The following LACC1 variants were observed in gnomAD, a reference collection of about 807,000 sequenced individuals.
LACC1 encodes purine nucleoside phosphorylase LACC1.
A neutral mutation model predicts 34.8 loss-of-function variants in LACC1; 25 were observed. The ratio of observed to expected loss-of-function variants is 0.72; its 90% CI spans 0.52 to 1.00. The LOEUF is 1.00. Among genes scored for constraint, LACC1 ranks in the 50% least tolerant of loss-of-function variants. The pLI, the probability that LACC1 is intolerant of heterozygous loss-of-function variation, is 0.00. For missense variants in LACC1, 426 were observed against 511.2 expected, an observed-to-expected ratio of 0.83 and a Z score of 1.61; for synonymous variants, 162 against 168.0, an observed-to-expected ratio of 0.96 and a Z score of 0.28.
chr13:43,879,825 G>A (rs1490977023), upstream of LACC1: 1 of 63,812 alleles, frequency 1.6e-5, no homozygotes, highest in East Asian at 2.4e-4. Context: ...AGGTGGGCGA[G>A]GTGGGCGAGG....
intron 4 of LACC1, 85 bp from the exon 5 acceptor site, chr13:43,888,672 C>T: frequency 9.9e-7 from 1 of 1,009,392 alleles, no homozygotes; most frequent in Non-Finnish European, 1.5e-6. Flanking sequence ...CAAACTAAAT[C>T]TGCTCACTTT....
At chr13:43,885,659 A>G (rs974070680) in intron 4 of LACC1, among the ~76,000 whole-genome samples, 2 of 152,218 alleles carry the variant, frequency 1.3e-5, no homozygotes, top group Non-Finnish European at 2.9e-5. Context: ...AAACCCTAGG[A>G]GGAAACCTAG....
At chr13:43,879,597 T>G (rs930573920), upstream of LACC1, 4 of 151,950 alleles carry the variant, frequency 2.6e-5, no homozygotes, top group African/African-American at 9.7e-5. Flanking sequence ...GCCCGCCGCG[T>G]TCGCACCAAG....
Position 43,880,034 on chromosome 13 carries a change from AG to A in LACC1, c.-118del, listed in dbSNP as rs1954912100. ...TCGCCTCTGGTGTGCGTTGTCCGAC[AG>A]GAAGTCCCGAATGGGCTGTGAGCCG... On this transcript the variant is annotated 5_prime_UTR_variant, in exon 1 of 7. Coordinates refer to ENST00000325686, the MANE Select transcript of LACC1 (RefSeq NM_153218.4). 2 of 152,406 alleles carry A rather than the reference AG, an allele frequency of 1.3e-5. No homozygotes were observed. The highest frequency in any genetic ancestry group is 6.5e-5 in the Admixed American group (1 of 15,280). 9.4% of individuals were successfully genotyped at this position (152,406 alleles called of 1,614,324 possible).
rs775887033 is a variant in LACC1 at position 43,890,115 on chromosome 13, A to T, written c.1135A>T (p.Ile379Phe). 2 of 1,602,568 alleles carry T rather than the reference A, an allele frequency of 1.2e-6. No individual in the cohort carries two copies. Among genetic ancestry groups the T allele is most frequent in the Non-Finnish European group, 1.7e-6 (2 of 1,175,548 alleles). Residue 379 changes from isoleucine (I) to phenylalanine (F), a missense_variant and splice_region_variant, in exon 6 of 7, where the codon ATT becomes TTT. This residue lies in a region of LACC1 where 209 missense variants were observed against 300.3 expected (regional missense o/e 0.70). Transcript: ENST00000325686. Reference sequence around the variant, plus strand: ...CTTTTGAAAAATATTTTTCCTAAGGATTCTTCTAGAACAGGGAGGAATTCT... The same window carrying T: ...CTTTTGAAAAATATTTTTCCTAAGGTTTCTTCTAGAACAGGGAGGAATTCT... ...PCIDIRKATR[I>F]LLEQGGILPQ...
intron 3 of LACC1, 142 bp from the exon 4 acceptor site, chr13:43,883,629 A>G (rs567991045): frequency 1.4e-5 from 7 of 494,886 alleles, no homozygotes; most frequent in South Asian, 1.4e-4. Flanking sequence ...GTTTTCCCAT[A>G]TATAAAAGTG....
intron 5 of LACC1, among the ~76,000 whole-genome samples, chr13:43,889,672 C>T (rs1241009707): frequency 1.3e-5 from 2 of 152,134 alleles, no homozygotes; most frequent in East Asian, 3.9e-4. Flanking sequence ...AGTCATATTT[C>T]ATATCATAAA....
rs1955188355 is a variant in LACC1, at chr13:43,883,826, A to C, written c.797A>C (p.Asp266Ala). The C allele has an allele frequency of 6.2e-7, 1 of 1,613,614 alleles. No individual in the cohort carries two copies. Among genetic ancestry groups the C allele is most frequent in the Non-Finnish European group, 8.5e-7 (1 of 1,179,700 alleles). Reference sequence around the variant, plus strand: ...GGAAGAAAGGAGCCTGACTCTTATGATGGAATAACCACAAATCAGAGAGGA... The same window carrying C: ...GGAAGAAAGGAGCCTGACTCTTATGCTGGAATAACCACAAATCAGAGAGGA... ...IMGRKEPDSY[D>A]GITTNQRGVT... The change falls in exon 4 of 7, where the codon GAT becomes GCT. Residue 266 changes from aspartate (D) to alanine (A), a missense_variant. Asp to Ala is a moderately radical substitution (Grantham distance 126, BLOSUM62 -2). This residue lies in a region of LACC1 where 209 missense variants were observed against 300.3 expected (regional missense o/e 0.70). Transcript: ENST00000325686.
chr13:43,887,595 T>C (rs1955387672), intron 4 of LACC1, among the ~76,000 whole-genome samples: 1 of 152,114 alleles, frequency 6.6e-6, no homozygotes. Context: ...AAGAGGCTGT[T>C]AATTGAAATA....
rs970578879 is a variant in LACC1 at position 43,893,133 on chromosome 13, A to G, written c.*1686A>G. Reference sequence around the variant, plus strand: ...ATGTAAGTTATCACATTGCATCTTAAAAATATTCTTATTTAATACATATAT... The same window carrying G: ...ATGTAAGTTATCACATTGCATCTTAGAAATATTCTTATTTAATACATATAT... On this transcript the variant is annotated 3_prime_UTR_variant, in exon 7 of 7. Transcript: ENST00000325686. 2.0e-5 allele frequency: 3 copies of G among 152,134 alleles called. No homozygotes were observed. Among genetic ancestry groups the G allele is most frequent in the African/African-American group, 7.2e-5 (3 of 41,456 alleles). 9.4% of individuals were successfully genotyped at this position (152,134 alleles called of 1,614,324 possible). A position where few individuals can be genotyped will look rare whatever the true frequency, so the allele number is the denominator to read the frequency against.
chr13:43,883,719 G>A, intron 3 of LACC1, 52 bp from the exon 4 acceptor site: 4 of 1,417,524 alleles, frequency 2.8e-6, no homozygotes, highest in Non-Finnish European at 2.9e-6. Context: ...AAAGCTTATG[G>A]TATAAGAAAT....
At chr13:43,891,247 G>A (rs1955558704) in intron 6 of LACC1, among the ~76,000 whole-genome samples, 1 of 152,130 alleles carries the variant, frequency 6.6e-6, no homozygotes. Context: ...ATATTTCATG[G>A]CACTGATTTA....
upstream of LACC1, chr13:43,879,586 G>T (rs1954821989): frequency 6.6e-6 from 1 of 152,162 alleles, no homozygotes; most frequent in Non-Finnish European, 1.5e-5. Flanking sequence ...TCTCGCGCTG[G>T]GCCCGCCGCG....
chr13:43,879,560 C>G (rs1173258540), upstream of LACC1: 1 of 152,248 alleles, frequency 6.6e-6, no homozygotes, highest in Non-Finnish European at 1.5e-5. Flanking sequence ...CTTGGCTCAT[C>G]CCGGGATTCC....
chr13:43,890,383 T>TA (rs201090329), intron 6 of LACC1, 109 bp downstream of exon 6: 22,758 of 663,112 alleles, frequency 0.034, 97 homozygotes, highest in East Asian at 0.095. Flanking sequence ...TCCCCTTATT[T>TA]AAAAAAAAAA....
chr13:43,883,545 C>G (rs1253940175), intron 3 of LACC1, among the ~76,000 whole-genome samples: 1 of 150,852 alleles, frequency 6.6e-6, no homozygotes, highest in African/African-American at 2.4e-5. Context: ...ATGTTAAACT[C>G]TGCTTTTCTT....
At chr13:43,879,760 TGGGCGAGGG>T (rs199946183), upstream of LACC1, 904 of 97,586 alleles carry the variant, frequency 9.3e-3, 5 homozygotes, top group South Asian at 0.011. Context: ...CGGGGCGAGG[TGGGCGAGGG>T]GGGCGAGGTG....
chr13:43,882,268 T>G lies in LACC1; in HGVS notation c.646T>G (p.Ser216Ala), dbSNP rs1416674454. 1.6e-5 allele frequency: 26 copies of G among 1,613,448 alleles called. No individual in the cohort carries two copies. The highest frequency in any genetic ancestry group is 2.2e-5 in the Non-Finnish European group (26 of 1,179,568). ...TLSSFNLFSSSKRRDPKVVVQ... is the reference protein window; with the variant it reads ...TLSSFNLFSSAKRRDPKVVVQ... Reference sequence around the variant, plus strand: ...TAGCTCATTCAATCTCTTCAGTAGTTCCAAACGGAGAGATCCCAAGGTAGT... The same window carrying G: ...TAGCTCATTCAATCTCTTCAGTAGTGCCAAACGGAGAGATCCCAAGGTAGT... Residue 216 changes from serine to alanine, a missense_variant, in exon 3 of 7, where the codon TCC becomes GCC. Ser to Ala is a moderately conservative substitution (Grantham distance 99). This residue lies in a region of LACC1 where 209 missense variants were observed against 300.3 expected (regional missense o/e 0.70). Coordinates refer to ENST00000325686, the MANE Select transcript of LACC1 (RefSeq NM_153218.4).
rs1954905123 is a variant in LACC1, at chr13:43,879,976, C to T, written c.-178C>T. The T allele has an allele frequency of 6.6e-6, 1 of 152,426 alleles. No homozygotes were observed. Among genetic ancestry groups the T allele is most frequent in the African/African-American group, 2.4e-5 (1 of 41,430 alleles). The allele number at this position is 152,426 out of a possible 1,614,324, so 9.4% of individuals were successfully genotyped here. On this transcript the variant is annotated 5_prime_UTR_variant, in exon 1 of 7. Transcript: ENST00000325686. ...GAGGTCGCCGTAGACCGGTGTGCAA[C>T]CGAAGGTGAAGAGCGGGAAGGCGAG...
Sources: allele counts gnomAD v4.1 joint callset (sites outside exome capture counted in the v4.1 genomes callset), GRCh38; gene constraint gnomAD v4.1.1; regional missense constraint gnomAD v4.1.1; transcripts MANE v1.5; gene names NCBI Gene and HGNC (gene_info 2026-07-23, HGNC 2026-07-21).